The following LTBP1 variants were observed in gnomAD, a reference collection of about 807,000 sequenced individuals.
The protein encoded by LTBP1 is latent-transforming growth factor beta-binding protein 1.
LTBP1 carries 129 observed loss-of-function variants against 207.6 expected under a neutral mutation model. The ratio of observed to expected loss-of-function variants is 0.62; its 90% CI spans 0.54 to 0.72. The LOEUF (loss-of-function observed/expected upper bound fraction) is 0.72, where lower values mean the gene tolerates loss of function less well. Ranked by LOEUF, LTBP1 falls within the 30% of genes least tolerant of loss-of-function variation. LTBP1 has a pLI of 0.00. For missense variants in LTBP1, 2,281 were observed against 2,217.2 expected, an observed-to-expected ratio of 1.03 and a Z score of -0.58; for synonymous variants, 963 against 833.7, an observed-to-expected ratio of 1.16 and a Z score of -2.67.
At chr2:33,071,902 A>C (rs2077810825) in intron 3 of LTBP1, among the ~76,000 whole-genome samples, 1 of 152,122 alleles carries the variant, frequency 6.6e-6, no homozygotes, top group African/African-American at 2.4e-5. Context: ...ATGTGTGGGG[A>C]TTTCTGCCCA....
intron 3 of LTBP1, among the ~76,000 whole-genome samples, chr2:33,102,465 G>A (rs1388840795): frequency 6.6e-6 from 1 of 152,072 alleles, no homozygotes; most frequent in Non-Finnish European, 1.5e-5. Context: ...GGAATTACTT[G>A]GTTGTGTTGA....
At chr2:33,296,397 A>C (rs768228361) in intron 20 of LTBP1, among the ~76,000 whole-genome samples, 3 of 152,014 alleles carry the variant, frequency 2.0e-5, no homozygotes, top group Non-Finnish European at 4.4e-5. Context: ...ACTTGGACCC[A>C]AGTACTTGTT....
chr2:33,019,390 G>C (rs192709822), intron 2 of LTBP1, among the ~76,000 whole-genome samples: 23 of 117,156 alleles, frequency 2.0e-4, no homozygotes, highest in African/African-American at 6.9e-4. Flanking sequence ...AGGCTGCAAT[G>C]TGTGGCACCA....
intron 4 of LTBP1, among the ~76,000 whole-genome samples, chr2:33,117,655 T>G (rs1226179365): frequency 2.0e-5 from 3 of 152,198 alleles, no homozygotes; most frequent in African/African-American, 7.2e-5. Context: ...AGAACGTTGC[T>G]TAAAGGCTCT....
chr2:33,180,024 C>T (rs2086459038), intron 5 of LTBP1, among the ~76,000 whole-genome samples: 1 of 152,176 alleles, frequency 6.6e-6, no homozygotes. Flanking sequence ...AAACACCTCA[C>T]CTCAAGGTCT....
intron 2 of LTBP1, among the ~76,000 whole-genome samples, chr2:32,991,895 T>A (rs1377342916): frequency 6.6e-6 from 1 of 152,186 alleles, no homozygotes; most frequent in African/African-American, 2.4e-5. Context: ...TGATTAAAAA[T>A]GAAATTGGTT....
chr2:33,002,357 T>C (rs1270110350), intron 2 of LTBP1, among the ~76,000 whole-genome samples: 1 of 152,132 alleles, frequency 6.6e-6, no homozygotes, highest in Non-Finnish European at 1.5e-5. Flanking sequence ...AGAAAATGTT[T>C]GTGTTATGTT....
At chr2:33,203,419 T>G (rs1327763350) in intron 7 of LTBP1, among the ~76,000 whole-genome samples, 1 of 152,210 alleles carries the variant, frequency 6.6e-6, no homozygotes, top group East Asian at 1.9e-4. Flanking sequence ...GACATTAGGA[T>G]AATCAAAATA....
intron 2 of LTBP1, among the ~76,000 whole-genome samples, chr2:32,988,510 C>T (rs975205877): frequency 2.0e-5 from 3 of 152,202 alleles, no homozygotes; most frequent in African/African-American, 7.2e-5. Context: ...GGTGCAGTTA[C>T]TACCTGAGAT....
intron 3 of LTBP1, among the ~76,000 whole-genome samples, chr2:33,031,872 G>A (rs1385359611): frequency 1.3e-5 from 2 of 152,130 alleles, no homozygotes; most frequent in African/African-American, 2.4e-5. Flanking sequence ...GAAGTGTCAG[G>A]CTCACCCTGG....
rs1018948245 is a variant in LTBP1, at chr2:33,367,584, A to G, written c.4711+2081A>G. 7.2e-5 allele frequency among the ~76,000 whole-genome samples: 11 copies of G among 152,314 alleles called. No homozygotes were observed. In the East Asian group the frequency reaches 1.7e-3, roughly 24 times the overall value. The stretch of plus-strand genomic sequence containing the variant: ...TGTACCCATTGTTTAGCTACCATTT[A>G]TAAGTGAGAACGTTCAGTATTTGAC... On this transcript the variant is annotated intron_variant, in intron 31 of 33. Transcript: ENST00000404816.
chr2:33,019,098 T>C lies in LTBP1; in HGVS notation c.566-1811T>C, dbSNP rs1688792985. 2.6e-5 allele frequency among the ~76,000 whole-genome samples: 4 copies of C among 152,280 alleles called. No individual in the cohort carries two copies. The South Asian group carries it at 8.3e-4, about 32-fold the overall frequency. ...CATAACTGAGTCTCCTGTTGTTCGT[T>C]TTGCTTGTCTATTTTGTAATTGCTT... On this transcript the variant is annotated intron_variant, in intron 2 of 33. Transcript: ENST00000404816.
chr2:33,087,613 C>T (rs2078838707), intron 3 of LTBP1, among the ~76,000 whole-genome samples: 1 of 152,190 alleles, frequency 6.6e-6, no homozygotes, highest in Middle Eastern at 3.2e-3. Flanking sequence ...ACCACTCCCA[C>T]CCTCTGTCCT....
At chr2:33,349,826 TC>T (rs1191503588) in intron 26 of LTBP1, among the ~76,000 whole-genome samples, 1 of 152,220 alleles carries the variant, frequency 6.6e-6, no homozygotes, top group Non-Finnish European at 1.5e-5. Context: ...AGTACAGTAA[TC>T]AATACACTGA....
chr2:33,066,844 T>TCATG (rs2077532895), intron 3 of LTBP1, among the ~76,000 whole-genome samples: 1 of 152,236 alleles, frequency 6.6e-6, no homozygotes. Flanking sequence ...GTTAATTAAA[T>TCATG]CATGCTTGAT....
intron 2 of LTBP1, among the ~76,000 whole-genome samples, chr2:32,950,597 T>C (rs1676954305): frequency 1.3e-5 from 2 of 150,376 alleles, no homozygotes; most frequent in Admixed American, 6.6e-5. Flanking sequence ...TGGTGGTGCA[T>C]GCCTGTAATT....
chr2:33,259,718 G>T, intron 13 of LTBP1, 108 bp downstream of exon 13: 2 of 1,015,020 alleles, frequency 2.0e-6, no homozygotes, highest in Admixed American at 5.0e-5. Context: ...TCTCTATTAT[G>T]CATCATTTGG....
chr2:33,197,806 C>T (rs2088742290), intron 7 of LTBP1, among the ~76,000 whole-genome samples: 1 of 152,154 alleles, frequency 6.6e-6, no homozygotes, highest in South Asian at 2.1e-4. Context: ...TGCCCACTGC[C>T]TCGTTGCACA....
At chr2:33,122,230 A>G (rs933375208) in intron 4 of LTBP1, among the ~76,000 whole-genome samples, 9 of 152,118 alleles carry the variant, frequency 5.9e-5, no homozygotes, top group African/African-American at 1.7e-4. Context: ...GAAAAAGGCA[A>G]TGCCTCTGGT....
Sources: allele counts gnomAD v4.1 joint callset (sites outside exome capture counted in the v4.1 genomes callset), GRCh38; gene constraint gnomAD v4.1.1; transcripts MANE v1.5; gene names NCBI Gene and HGNC (gene_info 2026-07-23, HGNC 2026-07-21).